Variants in ANKRD6 observed in about 807,000 individuals in gnomAD.
The protein encoded by ANKRD6 is ankyrin repeat domain-containing protein 6.
A neutral mutation model predicts 82.3 loss-of-function variants in ANKRD6; 56 were observed. The ratio of observed to expected loss-of-function variants is 0.68; its 90% confidence interval spans 0.55 to 0.85. The LOEUF is 0.85. ANKRD6 is among the 40% of genes least tolerant of loss of function. The probability of loss-of-function intolerance (pLI) is 0.00; values close to 1 mark genes in which losing one functional copy is unlikely to be tolerated. For missense variants in ANKRD6, 852 were observed against 907.6 expected, an observed-to-expected ratio of 0.94 and a Z score of 0.79; for synonymous variants, 347 against 352.1, an observed-to-expected ratio of 0.99 and a Z score of 0.16.
At chr6:89,476,545 A>T (rs966699048) in intron 1 of ANKRD6, among the ~76,000 whole-genome samples, 1 of 152,156 alleles carries the variant, frequency 6.6e-6, no homozygotes, top group African/African-American at 2.4e-5. Context: ...CATATCTTTC[A>T]TCATGGCTAT....
intron 1 of ANKRD6, among the ~76,000 whole-genome samples, chr6:89,554,819 A>G (rs1207209715): frequency 1.3e-5 from 2 of 152,304 alleles, no homozygotes; most frequent in East Asian, 1.9e-4. Context: ...CAGTGTTTGT[A>G]AGAAGATATT....
chr6:89,623,772 G>A, intron 11 of ANKRD6, 100 bp from the exon 12 acceptor site: 1 of 1,358,402 alleles, frequency 7.4e-7, no homozygotes, highest in Non-Finnish European at 1.0e-6. Context: ...GAAACAAAGT[G>A]GGGCTCTTTG....
chr6:89,587,464 G>T (rs909237319), intron 2 of ANKRD6, among the ~76,000 whole-genome samples: 3 of 152,168 alleles, frequency 2.0e-5, no homozygotes, highest in Non-Finnish European at 1.5e-5. Context: ...CCTCCAGTCT[G>T]GCGACAGAGC....
chr6:89,490,778 A>G (rs1250301365), intron 1 of ANKRD6, among the ~76,000 whole-genome samples: 1 of 152,156 alleles, frequency 6.6e-6, no homozygotes, highest in Non-Finnish European at 1.5e-5. Context: ...AGAGCAGGGA[A>G]GGCTTCTGGG....
At chr6:89,615,341 C>G (rs1470323345) in intron 7 of ANKRD6, among the ~76,000 whole-genome samples, 1 of 152,184 alleles carries the variant, frequency 6.6e-6, no homozygotes, top group East Asian at 1.9e-4. Context: ...TTAAAAAGCT[C>G]TCTGTCTGAG....
At chr6:89,495,667 T>A (rs1335105495) in intron 1 of ANKRD6, among the ~76,000 whole-genome samples, 1 of 152,208 alleles carries the variant, frequency 6.6e-6, no homozygotes, top group African/African-American at 2.4e-5. Context: ...AAAGTAGTGC[T>A]TTTTACTTAT....
intron 1 of ANKRD6, among the ~76,000 whole-genome samples, chr6:89,533,155 G>T (rs1205712323): frequency 2.0e-5 from 3 of 152,098 alleles, no homozygotes; most frequent in Admixed American, 6.6e-5. Flanking sequence ...GATGACAGGC[G>T]TGAGCCACTG....
In ANKRD6 at chr6:89,627,686, A is replaced by T; in HGVS notation, c.1475A>T (p.Glu492Val). Residue 492 changes from glutamate to valine, a missense_variant, in exon 14 of 16, where the codon GAG becomes GTG. Transcript: ENST00000339746. ...QHSDTEKHEG[E>V]KRQISLVDEL... ...TCAGACACAGAGAAGCATGAGGGGG[A>T]GAAACGACAGGTAGGAACCAGCATC... The T allele has an allele frequency of 6.2e-7, 1 of 1,613,376 alleles. No homozygotes were observed. The highest frequency in any genetic ancestry group is 8.5e-7 in the Non-Finnish European group (1 of 1,179,516).
chr6:89,519,302 G>GGTT (rs1468213501), intron 1 of ANKRD6, among the ~76,000 whole-genome samples: 3 of 152,310 alleles, frequency 2.0e-5, no homozygotes, highest in African/African-American at 4.8e-5. Context: ...GATTCAGGAT[G>GGTT]GTTAGTTGGG....
chr6:89,613,316 G>A (rs772871248), intron 6 of ANKRD6, among the ~76,000 whole-genome samples: 14 of 152,282 alleles, frequency 9.2e-5, no homozygotes, highest in South Asian at 6.2e-4. Flanking sequence ...CAGGGGGTAC[G>A]TGTAATCTTA....
At chr6:89,454,529 C>T (rs1241176859) in intron 1 of ANKRD6, among the ~76,000 whole-genome samples, 15 of 152,134 alleles carry the variant, frequency 9.9e-5, no homozygotes, top group Non-Finnish European at 2.9e-5. Context: ...GGTCACTGAT[C>T]GTGATGCACA....
At chr6:89,533,910 G>A (rs1340774042) in intron 1 of ANKRD6, among the ~76,000 whole-genome samples, 1 of 152,128 alleles carries the variant, frequency 6.6e-6, no homozygotes, top group Non-Finnish European at 1.5e-5. Context: ...GCGGTACCTG[G>A]TCCAATAAAA....
intron 1 of ANKRD6, among the ~76,000 whole-genome samples, chr6:89,438,651 CT>C (rs1167676248): frequency 4.0e-5 from 6 of 149,480 alleles, no homozygotes; most frequent in South Asian, 2.1e-4. Context: ...TTATTTCTAA[CT>C]TTTTTTTTTA....
intron 5 of ANKRD6, among the ~76,000 whole-genome samples, chr6:89,607,217 C>T (rs1043412119): frequency 1.3e-5 from 2 of 149,834 alleles, no homozygotes; most frequent in African/African-American, 4.9e-5. Flanking sequence ...CTTTCTTGGA[C>T]TCTATCCTAA....
In ANKRD6 at chr6:89,450,107, T is replaced by G. The variant is rs545887925; in HGVS notation, c.-144+16732T>G. 2.2e-4 allele frequency among the ~76,000 whole-genome samples: 33 copies of G among 151,958 alleles called. No individual in the cohort carries two copies. The East Asian group carries it at 6.0e-3, about 28-fold the overall frequency. ...ATCTCAGCACTTTGGGAGGCTGAGGTGGGTGGATCACCTGAGGTCAGGAGA... is the reference window on the plus strand; with the variant it reads ...ATCTCAGCACTTTGGGAGGCTGAGGGGGGTGGATCACCTGAGGTCAGGAGA... On this transcript the variant is annotated intron_variant, in intron 1 of 15. Transcript: ENST00000339746.
At chr6:89,608,368 C>CACACACACACACACACACTA in intron 5 of ANKRD6, among the ~76,000 whole-genome samples, 6 of 130,744 alleles carry the variant, frequency 4.6e-5, no homozygotes, top group African/African-American at 1.8e-4. Flanking sequence ...CACACACACA[C>CACACACACACACACACACTA]TATATATATA....
At chr6:89,461,469 C>T (rs889531705) in intron 1 of ANKRD6, among the ~76,000 whole-genome samples, 1 of 152,164 alleles carries the variant, frequency 6.6e-6, no homozygotes, top group Admixed American at 6.5e-5. Flanking sequence ...AGTGATACAA[C>T]AGTGAGAAGT....
In ANKRD6 at chr6:89,630,918, C is replaced by A. The variant is rs367621106; in HGVS notation, c.2098C>A (p.Gln700Lys). 13 of 1,611,176 alleles carry A rather than the reference C, an allele frequency of 8.1e-6. No individual in the cohort carries two copies. In the East Asian group the frequency reaches 2.5e-4, roughly 30 times the overall value. Residue 700 changes from glutamine to lysine, a missense_variant, in exon 16 of 16, where the codon CAA becomes AAA. Gln to Lys is a moderately conservative substitution (Grantham distance 53). Transcript: ENST00000339746. ...AAGCCAAGCCAATCAGAAAGCCCAG[C>A]AAGATAAGGCTACATTGAAGGAACA... ...ARSQANQKAQQDKATLKEHIK... is the reference protein window; with the variant it reads ...ARSQANQKAQKDKATLKEHIK...
At chr6:89,503,144 A>G (rs1175941086) in intron 1 of ANKRD6, among the ~76,000 whole-genome samples, 1 of 152,172 alleles carries the variant, frequency 6.6e-6, no homozygotes, top group Non-Finnish European at 1.5e-5. Flanking sequence ...AAAACTACTG[A>G]ACTCTCAGGC....
Sources: allele counts gnomAD v4.1 joint callset (sites outside exome capture counted in the v4.1 genomes callset), GRCh38; gene constraint gnomAD v4.1.1; transcripts MANE v1.5; gene names NCBI Gene and HGNC (gene_info 2026-07-23, HGNC 2026-07-21).